Variants in TRIM55 observed in about 807,000 individuals in gnomAD.
TRIM55 encodes the protein tripartite motif-containing protein 55.
A neutral mutation model predicts 60.9 loss-of-function variants in TRIM55; 50 were observed. That is an observed-to-expected ratio of 0.82 (90% confidence interval 0.65 to 1.04). TRIM55 has a LOEUF of 1.04. Among genes scored for constraint, TRIM55 ranks in the 50% least tolerant of loss-of-function variants. The probability of loss-of-function intolerance (pLI) is 0.00; values close to 1 mark genes in which losing one functional copy is unlikely to be tolerated. For missense variants in TRIM55, 681 were observed against 666.9 expected, an observed-to-expected ratio of 1.02 and a Z score of -0.23; for synonymous variants, 237 against 238.1, an observed-to-expected ratio of 1.00 and a Z score of 0.04.
At chr8:66,166,621 G>T (rs1009127137) in intron 9 of TRIM55, among the ~76,000 whole-genome samples, 1 of 152,212 alleles carries the variant, frequency 6.6e-6, no homozygotes, top group Non-Finnish European at 1.5e-5. Context: ...CATCTACAAA[G>T]TCTTTCATAA....
the TRIM55 span, among the ~76,000 whole-genome samples, chr8:66,114,260 C>A: frequency 6.6e-6 from 1 of 152,128 alleles, no homozygotes; most frequent in Non-Finnish European, 1.5e-5. Context: ...CCGCATCCTC[C>A]AGTTTTCCTT....
the TRIM55 span, among the ~76,000 whole-genome samples, chr8:66,114,087 C>G: frequency 7.5e-6 from 1 of 132,572 alleles, no homozygotes; most frequent in Admixed American, 7.7e-5. Context: ...GAGACACCCC[C>G]CCCCCCATTA....
At chr8:66,134,354 A>G (rs1809351866) in intron 2 of TRIM55, among the ~76,000 whole-genome samples, 1 of 152,184 alleles carries the variant, frequency 6.6e-6, no homozygotes, top group South Asian at 2.1e-4. Flanking sequence ...CTTGCGTCTC[A>G]TACACATTTG....
intron 9 of TRIM55, among the ~76,000 whole-genome samples, chr8:66,167,206 T>C (rs1454657441): frequency 6.6e-6 from 1 of 152,200 alleles, no homozygotes; most frequent in Non-Finnish European, 1.5e-5. Flanking sequence ...AGCAAGGTCC[T>C]CAAACTTCCT....
In TRIM55 at chr8:66,150,828, G is replaced by A. The variant is rs144984194; in HGVS notation, c.985+362G>A. ...ATTACAGGCACCTGCCACCACACCC[G>A]GCTAATTTTTGAATTATTAGAGAGG... On this transcript the variant is annotated intron_variant, in intron 7 of 9. Transcript: ENST00000315962. 5.9e-4 allele frequency among the ~76,000 whole-genome samples: 90 copies of A among 152,212 alleles called. 1 individual carries two copies. In the East Asian group the frequency reaches 9.3e-3, roughly 16 times the overall value.
rs117175269 is a variant in TRIM55, at chr8:66,128,852, A to C, written c.341+376A>C. Among the ~76,000 whole-genome samples the C allele has an allele frequency of 2.2e-3, 338 of 152,360 alleles. 6 individuals carry two copies. The highest frequency in any genetic ancestry group is 0.02 in the East Asian group (106 of 5,190). The stretch of plus-strand genomic sequence containing the variant: ...GATCCCTACAAAGCAAAGAAAAAAA[A>C]ATCTAGTAAATACTTAATAGAAAAT... On this transcript the variant is annotated intron_variant, in intron 2 of 9. Transcript: ENST00000315962.
At chr8:66,129,205 G>A (rs1200939405) in intron 2 of TRIM55, among the ~76,000 whole-genome samples, 1 of 152,116 alleles carries the variant, frequency 6.6e-6, no homozygotes, top group Non-Finnish European at 1.5e-5. Flanking sequence ...AACAAAAAAG[G>A]CTTCTTATTC....
chr8:66,141,814 A>G (rs1260737932), intron 4 of TRIM55, among the ~76,000 whole-genome samples: 1 of 152,254 alleles, frequency 6.6e-6, no homozygotes, highest in African/African-American at 2.4e-5. Flanking sequence ...TTTTGCAGTG[A>G]TAACAAATTC....
chr8:66,160,327 T>A (rs1248554075), intron 9 of TRIM55, among the ~76,000 whole-genome samples: 2 of 151,800 alleles, frequency 1.3e-5, no homozygotes, highest in Non-Finnish European at 2.9e-5. Context: ...CCTTACTTCA[T>A]TCCTTTTTAT....
At chr8:66,124,625 A>G (rs1180406955), upstream of TRIM55, among the ~76,000 whole-genome samples, 1 of 152,256 alleles carries the variant, frequency 6.6e-6, no homozygotes, top group Non-Finnish European at 1.5e-5. Flanking sequence ...TGAAAGGAAA[A>G]TAAATATTGG....
At position 66,158,141 on chromosome 8, in the gene TRIM55, CCACACACACACACACACACA is replaced by C. The variant is rs35285600; in HGVS notation, c.1524+3849_1524+3868del. Among the ~76,000 whole-genome samples, 554 of 114,872 alleles carry C rather than the reference CCACACACACACACACACACA, an allele frequency of 4.8e-3. 1 individual carries two copies. Among genetic ancestry groups the C allele is most frequent in the African/African-American group, 6.1e-3 (183 of 30,212 alleles). The allele number at this position is 114,872 out of a possible 152,430, so 75.4% of individuals were successfully genotyped here. On this transcript the variant is annotated intron_variant, in intron 9 of 9. Coordinates refer to ENST00000315962, the MANE Select transcript of TRIM55 (RefSeq NM_184085.2). ...GCCTCAGGGTAAGAGGATCTCCCCA[CCACACACACACACACACACA>C]CACACACACACACACACACACACAC...
rs1324299797 is a variant in TRIM55, at chr8:66,149,802, A to C, written c.761A>C (p.His254Pro). 8.1e-6 allele frequency: 13 copies of C among 1,614,098 alleles called. No individual in the cohort carries two copies. Among genetic ancestry groups the C allele is most frequent in the Non-Finnish European group, 1.1e-5 (13 of 1,180,024 alleles). Reference sequence around the variant, plus strand: ...GCTCTGATCAAAAAGTATTCTGATCATTTGGAGAACGTCTCAAAGTTGGTT... The same window carrying C: ...GCTCTGATCAAAAAGTATTCTGATCCTTTGGAGAACGTCTCAAAGTTGGTT... ...VRALIKKYSD[H>P]LENVSKLVES... The change falls in exon 5 of 10, where the codon CAT becomes CCT. Residue 254 changes from histidine to proline, a missense_variant. Physicochemically the swap from His to Pro is moderately conservative, Grantham distance 77 (BLOSUM62 -2). Coordinates refer to ENST00000315962, the MANE Select transcript of TRIM55 (RefSeq NM_184085.2).
At chr8:66,158,101 C>T (rs918429712) in intron 9 of TRIM55, among the ~76,000 whole-genome samples, 1 of 150,188 alleles carries the variant, frequency 6.7e-6, no homozygotes, top group South Asian at 2.1e-4. Flanking sequence ...GATACTTGAG[C>T]TGGACACAGC....
intron 4 of TRIM55, among the ~76,000 whole-genome samples, chr8:66,147,794 C>CAAAAAAAAA (rs1180935272): frequency 2.3e-5 from 1 of 44,188 alleles, no homozygotes; most frequent in East Asian, 6.5e-4. Context: ...GACTCCATCT[C>CAAAAAAAAA]AAAAAAAAAA....
In TRIM55 at chr8:66,154,341, G is replaced by T; in HGVS notation, c.1524+7G>T. On this transcript the variant is annotated splice_region_variant and intron_variant, in intron 9 of 9. Coordinates refer to ENST00000315962, the MANE Select transcript of TRIM55 (RefSeq NM_184085.2). ...ACCTGCAGCTACTTCTCAGGTTAGT[G>T]ATGATGCACTTGTGTCTATGCTTTC... 1.2e-6 allele frequency: 2 copies of T among 1,613,196 alleles called. No homozygotes were observed. Among genetic ancestry groups the T allele is most frequent in the Non-Finnish European group, 1.7e-6 (2 of 1,179,302 alleles).
intron 9 of TRIM55, among the ~76,000 whole-genome samples, chr8:66,160,249 G>A (rs1810972481): frequency 1.3e-5 from 2 of 152,046 alleles, no homozygotes; most frequent in South Asian, 4.2e-4. Flanking sequence ...ACAATGTTTG[G>A]TTTTCCATTC....
rs760321769 is a variant in TRIM55 at position 66,162,473 on chromosome 8, T to C, written c.1524+8139T>C. On this transcript the variant is annotated intron_variant, in intron 9 of 9. Transcript: ENST00000315962. ...TATGTTCATCAGGGATATTGGTCTG[T>C]AGTTTTTTTTTTTTGTAATGTCCTC... is the stretch of plus-strand genomic sequence containing the variant. 5.1e-4 allele frequency among the ~76,000 whole-genome samples: 78 copies of C among 151,754 alleles called. 1 individual carries two copies. The highest frequency in any genetic ancestry group is 9.0e-4 in the Non-Finnish European group (61 of 67,818).
chr8:66,125,778 TA>T (rs1243010056), upstream of TRIM55, among the ~76,000 whole-genome samples: 1 of 152,208 alleles, frequency 6.6e-6, no homozygotes, highest in African/African-American at 2.4e-5. Flanking sequence ...AGATTCTCAA[TA>T]AGCTCTCCGT....
chr8:66,139,311 A>G (rs1809668204), intron 4 of TRIM55, among the ~76,000 whole-genome samples: 1 of 152,158 alleles, frequency 6.6e-6, no homozygotes, highest in Non-Finnish European at 1.5e-5. Context: ...TCTGGGATGG[A>G]GAAGCTGGAG....
Sources: allele counts gnomAD v4.1 joint callset (sites outside exome capture counted in the v4.1 genomes callset), GRCh38; gene constraint gnomAD v4.1.1; transcripts MANE v1.5; gene names NCBI Gene and HGNC (gene_info 2026-07-23, HGNC 2026-07-21).